Variants in PHF2 observed in about 807,000 individuals in gnomAD.
PHF2 encodes the protein lysine-specific demethylase PHF2.
In PHF2, 27 loss-of-function variants were observed where a neutral mutation model predicts 120.5. The observed-to-expected ratio is 0.22, with a 90% CI of 0.17 to 0.31. PHF2 has a LOEUF of 0.31. PHF2 is among the 10% of genes least tolerant of loss of function. The probability of loss-of-function intolerance (pLI) is 1.00; values close to 1 mark genes in which losing one functional copy is unlikely to be tolerated. For missense variants in PHF2, 1,024 were observed against 1,434.8 expected (o/e 0.71, Z 4.63); for synonymous variants, 568 against 592.5 (o/e 0.96, Z 0.60).
intron 1 of PHF2, among the ~76,000 whole-genome samples, chr9:93,618,013 C>T (rs1201894852): frequency 1.3e-5 from 2 of 152,262 alleles, no homozygotes; most frequent in East Asian, 1.9e-4. Flanking sequence ...TCAGTCCAAT[C>T]AAGTTGACAG....
At chr9:93,632,941 T>TGTCC (rs1826024933) in intron 2 of PHF2, among the ~76,000 whole-genome samples, 1 of 151,628 alleles carries the variant, frequency 6.6e-6, no homozygotes, top group African/African-American at 2.4e-5. Flanking sequence ...GCCCAGAGGC[T>TGTCC]ATGATGCCCC....
chr9:93,631,165 G>A (rs1053854803), intron 2 of PHF2, among the ~76,000 whole-genome samples: 2 of 152,184 alleles, frequency 1.3e-5, no homozygotes, highest in Non-Finnish European at 1.5e-5. Flanking sequence ...AGGCTGGGTC[G>A]AGGGAGCCTT....
chr9:93,619,800 T>C (rs1587686772), intron 1 of PHF2, among the ~76,000 whole-genome samples: 1 of 152,128 alleles, frequency 6.6e-6, no homozygotes, highest in Non-Finnish European at 1.5e-5. Flanking sequence ...TTAGCCAGGG[T>C]TAAAAAGGGA....
intron 1 of PHF2, among the ~76,000 whole-genome samples, chr9:93,606,519 A>C (rs1355098358): frequency 6.6e-6 from 1 of 152,126 alleles, no homozygotes; most frequent in African/African-American, 2.4e-5. Context: ...TCTTTAGTGA[A>C]GTGTTTGTTT....
At chr9:93,578,624 G>T (rs1208094958) in intron 1 of PHF2, among the ~76,000 whole-genome samples, 1 of 152,196 alleles carries the variant, frequency 6.6e-6, no homozygotes, top group Non-Finnish European at 1.5e-5. Context: ...AACGCGAGAA[G>T]ACCTTTGTCT....
intron 1 of PHF2, among the ~76,000 whole-genome samples, chr9:93,596,229 C>A (rs533999020): frequency 6.6e-6 from 1 of 152,052 alleles, no homozygotes; most frequent in Non-Finnish European, 1.5e-5. Context: ...CTATTGGGAC[C>A]CCCTGTGCCC....
intron 2 of PHF2, among the ~76,000 whole-genome samples, chr9:93,635,144 C>T (rs1187939181): frequency 6.6e-6 from 1 of 152,326 alleles, no homozygotes; most frequent in South Asian, 2.1e-4. Flanking sequence ...GCCAAGTTTC[C>T]ATAATGTCCA....
chr9:93,598,911 G>A (rs536140675), intron 1 of PHF2, among the ~76,000 whole-genome samples: 21 of 152,234 alleles, frequency 1.4e-4, no homozygotes, highest in South Asian at 6.2e-4. Context: ...CCTCCACACC[G>A]TTATGGGCTT....
rs549955600 is a variant in PHF2 at position 93,650,024 on chromosome 9, C to T, written c.602+812C>T. 6.6e-5 allele frequency among the ~76,000 whole-genome samples: 10 copies of T among 152,064 alleles called. No individual in the cohort carries two copies. The South Asian group carries it at 1.9e-3, about 28-fold the overall frequency. On this transcript the variant is annotated intron_variant, in intron 5 of 21. Coordinates refer to ENST00000359246, the MANE Select transcript of PHF2 (RefSeq NM_005392.4). Reference sequence around the variant, plus strand: ...GTACACTCACACTCACGGACACACTCGCCAACACACGACACATTCACAACA... The same window carrying T: ...GTACACTCACACTCACGGACACACTTGCCAACACACGACACATTCACAACA...
At chr9:93,617,802 A>T (rs1825752851) in intron 1 of PHF2, among the ~76,000 whole-genome samples, 1 of 152,198 alleles carries the variant, frequency 6.6e-6, no homozygotes, top group African/African-American at 2.4e-5. Context: ...CGGGAGAAAG[A>T]TGTAGGCTGG....
At chr9:93,673,992 C>T (rs1328592793) in intron 18 of PHF2, 130 bp downstream of exon 18, 78 of 1,013,982 alleles carry the variant, frequency 7.7e-5, no homozygotes, top group African/African-American at 6.5e-5. Context: ...AACCCTCGGC[C>T]TCTGACTGCT....
chr9:93,577,308 G>T (rs1862843094), intron 1 of PHF2, among the ~76,000 whole-genome samples: 2 of 151,726 alleles, frequency 1.3e-5, no homozygotes, highest in South Asian at 4.1e-4. Context: ...CGGGCTCGGG[G>T]TTGGCCGGGC....
intron 1 of PHF2, chr9:93,594,809 G>A (rs767455661): frequency 1.3e-5 from 2 of 152,344 alleles, no homozygotes; most frequent in Non-Finnish European, 2.9e-5. Flanking sequence ...ACCAGCCTAA[G>A]TTCCAGTCTG....
chr9:93,678,544 T>TA lies in PHF2; in HGVS notation c.*869dup, dbSNP rs1473574502. 3.3e-5 allele frequency: 5 copies of TA among 152,512 alleles called. No homozygotes were observed. Among genetic ancestry groups the TA allele is most frequent in the South Asian group, 2.1e-4 (1 of 4,832 alleles). The allele number at this position is 152,512 out of a possible 1,614,324, so 9.4% of individuals were successfully genotyped here. On this transcript the variant is annotated 3_prime_UTR_variant, in exon 22 of 22. Transcript: ENST00000359246. The stretch of plus-strand genomic sequence containing the variant: ...ACAGTGGCCAGGCGGCCCGAGGACT[T>TA]ACGGTCGGCACTTCTCTGTTCTCCC...
At chr9:93,628,010 CT>C (rs890016991) in intron 1 of PHF2, among the ~76,000 whole-genome samples, 3 of 152,214 alleles carry the variant, frequency 2.0e-5, no homozygotes, top group South Asian at 4.1e-4. Context: ...AGGATTGCAT[CT>C]TTTTCTTCTT....
At chr9:93,585,200 GTCT>G (rs1863016771) in intron 1 of PHF2, among the ~76,000 whole-genome samples, 1 of 152,226 alleles carries the variant, frequency 6.6e-6, no homozygotes, top group African/African-American at 2.4e-5. Context: ...GCGAAGGAGG[GTCT>G]TCTTTTTTAA....
chr9:93,663,486 G>C (rs767737082), intron 13 of PHF2, 31 bp from the exon 14 acceptor site: 11 of 1,393,940 alleles, frequency 7.9e-6, no homozygotes, highest in Non-Finnish European at 6.1e-6. Flanking sequence ...TCTGTGTGGG[G>C]CTCAGGGACG....
rs1472032140 is a variant in PHF2 at position 93,673,736 on chromosome 9, G to A, written c.2500G>A (p.Gly834Arg). ...GGCTGCCCATGGTGCCCGGAAGAAT[G>A]GGGGTGGCAGTGGCAAGAGTGCAGG... ...SLAAHGARKN[G>R]GGSGKSAGKR... The change falls in exon 18 of 22, where the codon GGG becomes AGG. Residue 834 changes from glycine (G) to arginine (R), a missense_variant. By Grantham distance (125) the Gly-to-Arg change is moderately radical. Coordinates refer to ENST00000359246, the MANE Select transcript of PHF2 (RefSeq NM_005392.4). 3 of 1,613,280 alleles carry A rather than the reference G, an allele frequency of 1.9e-6. No homozygotes were observed. The highest frequency in any genetic ancestry group is 1.6e-4 in the Middle Eastern group (1 of 6,080).
chr9:93,591,406 C>A (rs1047466604), intron 1 of PHF2, among the ~76,000 whole-genome samples: 3 of 150,876 alleles, frequency 2.0e-5, no homozygotes, highest in African/African-American at 7.4e-5. Context: ...CATTCAGGAG[C>A]AGGCTGTACC....
Sources: gnomAD v4.1 joint callset for allele counts (sites outside exome capture counted in the v4.1 genomes callset) on GRCh38, gnomAD v4.1.1 for gene constraint, MANE v1.5 for transcripts, NCBI Gene and HGNC (gene_info 2026-07-23, HGNC 2026-07-21) for gene names.